LIN28B: variants seen among roughly 807,000 people sequenced by gnomAD.
LIN28B encodes the protein protein lin-28 homolog B.
LIN28B carries 5 observed loss-of-function variants against 21.9 expected under a neutral mutation model. That is an observed-to-expected ratio of 0.23 (90% confidence interval 0.12 to 0.48). The LOEUF (loss-of-function observed/expected upper bound fraction) is 0.48, where lower values mean the gene tolerates loss of function less well. Ranked by LOEUF, LIN28B falls within the 20% of genes least tolerant of loss-of-function variation. The pLI is 0.98. For missense variants in LIN28B, 245 were observed against 310.5 expected, an observed-to-expected ratio of 0.79 and a Z score of 1.58; for synonymous variants, 109 against 111.3, an observed-to-expected ratio of 0.98 and a Z score of 0.13.
intron 2 of LIN28B, among the ~76,000 whole-genome samples, chr6:105,024,068 A>C (rs1391069880): frequency 6.6e-6 from 1 of 152,026 alleles, no homozygotes. Context: ...CGCTCACTGC[A>C]ACCTCCGCCT....
chr6:104,969,807 G>A (rs570006090), intron 2 of LIN28B, among the ~76,000 whole-genome samples: 1 of 152,288 alleles, frequency 6.6e-6, no homozygotes, highest in South Asian at 2.1e-4. Context: ...TTAATTTCTA[G>A]CATTTATGCA....
intron 2 of LIN28B, among the ~76,000 whole-genome samples, chr6:104,999,231 T>A (rs1770672096): frequency 6.6e-6 from 1 of 152,150 alleles, no homozygotes; most frequent in African/African-American, 2.4e-5. Context: ...CCTTGAACTC[T>A]AAGGCTCAAG....
intron 3 of LIN28B, among the ~76,000 whole-genome samples, chr6:105,074,450 G>A (rs1428249613): frequency 1.3e-5 from 2 of 151,918 alleles, no homozygotes; most frequent in Non-Finnish European, 2.9e-5. Context: ...TGCCCACCTC[G>A]GCCTCCCAAA....
chr6:104,945,882 ATT>A (rs1178618560), intron 2 of LIN28B, among the ~76,000 whole-genome samples: 1 of 151,964 alleles, frequency 6.6e-6, no homozygotes, highest in Non-Finnish European at 1.5e-5. Flanking sequence ...ATTATTACTC[ATT>A]TGTTTTTATT....
chr6:105,031,915 C>G (rs918685822), intron 3 of LIN28B, among the ~76,000 whole-genome samples: 1 of 152,130 alleles, frequency 6.6e-6, no homozygotes, highest in South Asian at 2.1e-4. Flanking sequence ...CAAAAATCTC[C>G]CTCTATCTAT....
At chr6:104,968,702 A>T (rs975641042) in intron 2 of LIN28B, among the ~76,000 whole-genome samples, 1 of 152,162 alleles carries the variant, frequency 6.6e-6, no homozygotes, top group Admixed American at 6.5e-5. Context: ...TTCTTCCTTA[A>T]GCTTTTGTAA....
At chr6:104,979,866 T>C (rs549822182) in intron 2 of LIN28B, among the ~76,000 whole-genome samples, 31 of 152,366 alleles carry the variant, frequency 2.0e-4, no homozygotes, top group African/African-American at 7.5e-4. Context: ...TATTTCTTAC[T>C]TTGGTCCACT....
At chr6:104,951,995 A>G (rs375894267) in intron 3 of LIN28B, among the ~76,000 whole-genome samples, 1 of 151,930 alleles carries the variant, frequency 6.6e-6, no homozygotes, top group South Asian at 2.1e-4. Flanking sequence ...CTCATCTTTT[A>G]CCCTGCCACT....
chr6:105,029,101 A>G (rs1322061441), intron 3 of LIN28B, among the ~76,000 whole-genome samples: 1 of 152,208 alleles, frequency 6.6e-6, no homozygotes, highest in Non-Finnish European at 1.5e-5. Context: ...GGTTGACAAG[A>G]ACGGGCTGAG....
In LIN28B at chr6:104,958,304, G is replaced by T; in HGVS notation, c.198+18G>T. The T allele has an allele frequency of 6.5e-7, 1 of 1,537,978 alleles. No individual in the cohort carries two copies. Among genetic ancestry groups the T allele is most frequent in the Non-Finnish European group, 8.9e-7 (1 of 1,128,228 alleles). On this transcript the variant is annotated intron_variant, in intron 2 of 3. Transcript: ENST00000345080. ...TACACCAAGTAAGCCAAACTTTTTT[G>T]TCCCCCTCTTCATCTTTTTCCATGT...
chr6:104,999,605 A>G (rs1400228303), intron 2 of LIN28B, among the ~76,000 whole-genome samples: 5 of 152,222 alleles, frequency 3.3e-5, no homozygotes, highest in African/African-American at 1.2e-4. Context: ...CATGAACATC[A>G]ATGTAATGGC....
intron 2 of LIN28B, among the ~76,000 whole-genome samples, chr6:104,991,997 G>A (rs893797726): frequency 4.0e-5 from 6 of 151,326 alleles, no homozygotes; most frequent in Admixed American, 6.6e-5. Context: ...GAGGGAGACC[G>A]TGGAAAGAGG....
intron 2 of LIN28B, among the ~76,000 whole-genome samples, chr6:105,015,114 G>A (rs1004702209): frequency 1.3e-5 from 2 of 151,778 alleles, no homozygotes; most frequent in African/African-American, 4.8e-5. Context: ...AACTGTAGAG[G>A]GTGGCTTATA....
intron 3 of LIN28B, among the ~76,000 whole-genome samples, chr6:105,037,315 C>T (rs1771539773): frequency 6.6e-6 from 1 of 152,106 alleles, no homozygotes; most frequent in African/African-American, 2.4e-5. Context: ...TTTTTAAATT[C>T]TACATAATAA....
chr6:104,947,981 A>G (rs1174966268), intron 2 of LIN28B, among the ~76,000 whole-genome samples: 1 of 152,188 alleles, frequency 6.6e-6, no homozygotes, highest in Non-Finnish European at 1.5e-5. Context: ...ACCACAGTAC[A>G]CTATTACATG....
intron 3 of LIN28B, among the ~76,000 whole-genome samples, chr6:105,050,404 C>T (rs1006260101): frequency 4.6e-5 from 7 of 151,542 alleles, no homozygotes; most frequent in Admixed American, 4.6e-4. Context: ...AAATCGAGAC[C>T]ATCCTGGCTA....
At chr6:105,051,956 A>G (rs1303377601) in intron 3 of LIN28B, among the ~76,000 whole-genome samples, 1 of 152,224 alleles carries the variant, frequency 6.6e-6, no homozygotes, top group Non-Finnish European at 1.5e-5. Flanking sequence ...AAATTATAGC[A>G]GTGTAAGGGG....
At chr6:105,053,127 GTAT>G (rs1771942486) in intron 3 of LIN28B, among the ~76,000 whole-genome samples, 1 of 151,714 alleles carries the variant, frequency 6.6e-6, no homozygotes, top group Non-Finnish European at 1.5e-5. Context: ...AAAATATATT[GTAT>G]TATTAATATT....
chr6:104,952,877 A>C (rs1778235834), upstream of LIN28B, among the ~76,000 whole-genome samples: 3 of 152,194 alleles, frequency 2.0e-5, no homozygotes, highest in South Asian at 6.2e-4. Flanking sequence ...CAATTGTGTG[A>C]AGCCAGAGCA....
Sources: gnomAD v4.1 joint callset for allele counts (sites outside exome capture counted in the v4.1 genomes callset) on GRCh38, gnomAD v4.1.1 for gene constraint, MANE v1.5 for transcripts, NCBI Gene and HGNC (gene_info 2026-07-23, HGNC 2026-07-21) for gene names.